Variants in GALNT13 observed in about 807,000 individuals in gnomAD.
The protein encoded by GALNT13 is polypeptide N-acetylgalactosaminyltransferase 13, also known as UDP-GalNAc:polypeptide N-acetylgalactosaminyltransferase 13.
A neutral mutation model predicts 64.2 loss-of-function variants in GALNT13; 28 were observed. The ratio of observed to expected loss-of-function variants is 0.44; its 90% CI spans 0.32 to 0.60. The LOEUF (loss-of-function observed/expected upper bound fraction) is 0.60. GALNT13 is among the 20% of genes least tolerant of loss of function. GALNT13 has a pLI of 0.05. For missense variants in GALNT13, 577 were observed against 669.8 expected (o/e 0.86, Z 1.53); for synonymous variants, 214 against 224.6 (o/e 0.95, Z 0.42).
the GALNT13 span, among the ~76,000 whole-genome samples, chr2:153,461,329 G>C: frequency 6.6e-6 from 1 of 152,052 alleles, no homozygotes; most frequent in Non-Finnish European, 1.5e-5. Context: ...ATGCTACTCT[G>C]ACCACTTCCC....
intron 9 of GALNT13, among the ~76,000 whole-genome samples, chr2:154,354,696 C>A (rs1270612326): frequency 2.6e-5 from 4 of 151,610 alleles, no homozygotes; most frequent in African/African-American, 9.7e-5. Context: ...CCATTGTGTT[C>A]TCTTGGTGCC....
chr2:154,242,272 A>G, intron 5 of GALNT13, 76 bp downstream of exon 5: 1 of 1,259,666 alleles, frequency 7.9e-7, no homozygotes, highest in Non-Finnish European at 1.1e-6. Flanking sequence ...AGAAAGCTTT[A>G]TTATGGCCAA....
chr2:153,780,107 C>T, the GALNT13 span, among the ~76,000 whole-genome samples: 10 of 151,444 alleles, frequency 6.6e-5, no homozygotes, highest in Non-Finnish European at 1.5e-4. Context: ...GTAGCCTGCA[C>T]GTTTTCTCTC....
At chr2:153,436,278 T>C in the GALNT13 span, among the ~76,000 whole-genome samples, 1 of 152,166 alleles carries the variant, frequency 6.6e-6, no homozygotes, top group South Asian at 2.1e-4. Context: ...AGGATATTGG[T>C]CTAAAATTCT....
Position 154,453,819 on chromosome 2 carries a change from G to T in GALNT13, c.*3268G>T, listed in dbSNP as rs1168741244. The T allele has an allele frequency of 9.2e-5, 14 of 151,992 alleles. No homozygotes were observed. The highest frequency in any genetic ancestry group is 9.2e-4 in the Admixed American group (14 of 15,256). The allele number at this position is 151,992 out of a possible 1,614,324, so 9.4% of individuals were successfully genotyped here. On this transcript the variant is annotated 3_prime_UTR_variant, in exon 13 of 13. Coordinates refer to ENST00000392825, the MANE Select transcript of GALNT13 (RefSeq NM_052917.4). ...TTTGTATTTTAAATTTTAAAATAAAGGCTAATATATTTAGACAGGATTTCC... is the reference window on the plus strand; with the variant it reads ...TTTGTATTTTAAATTTTAAAATAAATGCTAATATATTTAGACAGGATTTCC...
At chr2:153,639,936 TG>T in the GALNT13 span, among the ~76,000 whole-genome samples, 1 of 152,096 alleles carries the variant, frequency 6.6e-6, no homozygotes, top group African/African-American at 2.4e-5. Flanking sequence ...CTCGGCTTCC[TG>T]TAGTGATATG....
At chr2:154,440,311 T>A (rs571914855) in intron 12 of GALNT13, among the ~76,000 whole-genome samples, 1 of 152,296 alleles carries the variant, frequency 6.6e-6, no homozygotes, top group East Asian at 1.9e-4. Flanking sequence ...AACTTTTCCA[T>A]AACTCTTGAG....
chr2:153,371,988 T>C, the GALNT13 span, among the ~76,000 whole-genome samples: 15 of 152,300 alleles, frequency 9.8e-5, no homozygotes, highest in Admixed American at 2.0e-4. Flanking sequence ...CAGCATTTAC[T>C]GGGCTTTTCT....
chr2:153,629,295 CAG>C, the GALNT13 span, among the ~76,000 whole-genome samples: 1 of 151,422 alleles, frequency 6.6e-6, no homozygotes, highest in Admixed American at 6.6e-5. Flanking sequence ...GGTACCAAAA[CAG>C]AGATATAGAT....
intron 3 of GALNT13, among the ~76,000 whole-genome samples, chr2:154,089,839 C>A (rs1701718011): frequency 1.4e-5 from 2 of 144,220 alleles, no homozygotes; most frequent in Middle Eastern, 7.1e-3. Flanking sequence ...GTATAACCTT[C>A]ACCACTTATG....
At chr2:154,440,134 T>C (rs1418115527) in intron 12 of GALNT13, among the ~76,000 whole-genome samples, 1 of 152,152 alleles carries the variant, frequency 6.6e-6, no homozygotes, top group Non-Finnish European at 1.5e-5. Flanking sequence ...ATAAAACTTG[T>C]TCTTCTTGTT....
At chr2:154,015,011 T>A (rs183269660) in intron 3 of GALNT13, among the ~76,000 whole-genome samples, 1 of 152,070 alleles carries the variant, frequency 6.6e-6, no homozygotes, top group African/African-American at 2.4e-5. Flanking sequence ...ACATATACAT[T>A]GAATAGAAAA....
At chr2:153,789,114 C>T in the GALNT13 span, among the ~76,000 whole-genome samples, 193 of 152,220 alleles carry the variant, frequency 1.3e-3, no homozygotes, top group African/African-American at 4.5e-3. Context: ...TAGATGTGTA[C>T]AGAACTCTCC....
At chr2:153,249,075 A>G in the GALNT13 span, among the ~76,000 whole-genome samples, 4 of 152,340 alleles carry the variant, frequency 2.6e-5, no homozygotes, top group East Asian at 7.7e-4. Context: ...AAATAGAAAG[A>G]GAGAAAGTTA....
chr2:153,931,772 A>G (rs535424192), intron 2 of GALNT13, among the ~76,000 whole-genome samples: 5 of 152,028 alleles, frequency 3.3e-5, no homozygotes, highest in South Asian at 4.2e-4. Context: ...TTTTACCTCT[A>G]TGAGGATTTT....
chr2:153,858,204 G>A, the GALNT13 span, among the ~76,000 whole-genome samples: 2 of 152,256 alleles, frequency 1.3e-5, no homozygotes, highest in East Asian at 1.9e-4. Flanking sequence ...GTGCATCATA[G>A]GAAGAGGGGA....
chr2:153,868,703 C>T (rs1377234526), upstream of GALNT13, among the ~76,000 whole-genome samples: 1 of 152,184 alleles, frequency 6.6e-6, no homozygotes, highest in East Asian at 1.9e-4. Context: ...TTTGTATACT[C>T]TGTAGCTAAG....
intron 2 of GALNT13, among the ~76,000 whole-genome samples, chr2:153,911,571 C>CT (rs1688944479): frequency 6.6e-6 from 1 of 151,966 alleles, no homozygotes; most frequent in Non-Finnish European, 1.5e-5. Context: ...ATATTTAGTG[C>CT]TTTTTTCAGG....
At chr2:154,188,178 A>AG (rs1273313407) in intron 4 of GALNT13, among the ~76,000 whole-genome samples, 1 of 152,106 alleles carries the variant, frequency 6.6e-6, no homozygotes, top group Non-Finnish European at 1.5e-5. Context: ...TACAAATGTC[A>AG]GGGAAGGAAC....
Sources: gnomAD v4.1 joint callset for allele counts (sites outside exome capture counted in the v4.1 genomes callset) on GRCh38, gnomAD v4.1.1 for gene constraint, MANE v1.5 for transcripts, NCBI Gene and HGNC (gene_info 2026-07-23, HGNC 2026-07-21) for gene names.